CDYL: variants seen among roughly 807,000 people sequenced by gnomAD.
CDYL encodes the protein chromodomain Y-like protein.
CDYL carries 8 observed loss-of-function variants against 47.3 expected under a neutral mutation model. The observed-to-expected ratio is 0.17, with a 90% confidence interval of 0.10 to 0.31. The LOEUF (loss-of-function observed/expected upper bound fraction) is 0.31. Among genes scored for constraint, CDYL ranks in the 10% least tolerant of loss-of-function variants. The pLI, the probability that CDYL is intolerant of heterozygous loss-of-function variation, is 1.00. For synonymous variants in CDYL, 266 were observed against 265.0 expected (o/e 1.00, Z -0.04); for missense variants, 471 against 701.4 (o/e 0.67, Z 3.71).
intron 1 of CDYL, among the ~76,000 whole-genome samples, chr6:4,837,774 T>C (rs1760366500): frequency 6.6e-6 from 1 of 150,628 alleles, no homozygotes; most frequent in Non-Finnish European, 1.5e-5. Context: ...CTCTTATTTT[T>C]TCTTTTCCCG....
chr6:4,890,563 T>A (rs1762014089), intron 1 of CDYL, among the ~76,000 whole-genome samples: 1 of 151,856 alleles, frequency 6.6e-6, no homozygotes, highest in South Asian at 2.1e-4. Flanking sequence ...TACTGGAGAG[T>A]TTTTTATTTC....
chr6:4,821,727 CTG>C (rs1439356781), intron 1 of CDYL, among the ~76,000 whole-genome samples: 7 of 150,374 alleles, frequency 4.7e-5, no homozygotes, highest in Non-Finnish European at 7.4e-5. Context: ...TAGAGCAAGA[CTG>C]TATCTCGGGG....
rs550970785 is a variant in CDYL at position 4,915,668 on chromosome 6, A to G, written c.692-19847A>G. Among the ~76,000 whole-genome samples, 407 of 152,328 alleles carry G rather than the reference A, an allele frequency of 2.7e-3. 4 individuals are homozygous for G. The highest frequency in any genetic ancestry group is 8.7e-3 in the African/African-American group (360 of 41,582). Reference sequence around the variant, plus strand: ...ACATGACAGATAATAGGTGCCCTGAAGGAAGCCAAAGTATTTTATCCCAAA... The same window carrying G: ...ACATGACAGATAATAGGTGCCCTGAGGGAAGCCAAAGTATTTTATCCCAAA... On this transcript the variant is annotated intron_variant, in intron 2 of 6. Coordinates refer to ENST00000397588, the MANE Select transcript of CDYL (RefSeq NM_004824.4).
chr6:4,730,326 G>A (rs888520749), intron 2 of CDYL, among the ~76,000 whole-genome samples: 3 of 152,168 alleles, frequency 2.0e-5, no homozygotes, highest in East Asian at 3.9e-4. Context: ...CCATTTTAAA[G>A]TCTTGTTCAT....
intron 1 of CDYL, among the ~76,000 whole-genome samples, chr6:4,780,476 C>G (rs1758589055): frequency 7.4e-6 from 1 of 135,860 alleles, no homozygotes; most frequent in African/African-American, 2.7e-5. Context: ...ACCTTGTGGG[C>G]CAGGCTGGTC....
In CDYL at chr6:4,875,820, G is replaced by A. The variant is rs185520017; in HGVS notation, c.25-15893G>A. ...TTTATAACCCACTACAAAGAATGTC[G>A]TTTTACTATGCATCCATCCATCAGT... is the stretch of plus-strand genomic sequence containing the variant. On this transcript the variant is annotated intron_variant, in intron 1 of 6. Transcript: ENST00000397588. Among the ~76,000 whole-genome samples the A allele has an allele frequency of 2.6e-4, 40 of 152,132 alleles. No homozygotes were observed. The East Asian group carries it at 2.9e-3, about 11-fold the overall frequency.
chr6:4,824,842 A>G (rs149894639), intron 1 of CDYL, among the ~76,000 whole-genome samples: 30 of 152,082 alleles, frequency 2.0e-4, no homozygotes, highest in East Asian at 7.7e-4. Flanking sequence ...TTTGAGTACA[A>G]GCTTTTCCGT....
Position 4,861,121 on chromosome 6 carries a change from A to T in CDYL, c.25-30592A>T, listed in dbSNP as rs80065611. Among the ~76,000 whole-genome samples the T allele has an allele frequency of 3.7e-4, 56 of 152,394 alleles. No individual in the cohort carries two copies. In the East Asian group the frequency reaches 8.5e-3, roughly 23 times the overall value. On this transcript the variant is annotated intron_variant, in intron 1 of 6. Transcript: ENST00000397588. ...TTTGATGCAGAGGATCTAAAAATAT[A>T]GAAGAGTTAAAACATAAATATCAAT...
chr6:4,899,777 G>A (rs575792336), intron 2 of CDYL, among the ~76,000 whole-genome samples: 29 of 152,224 alleles, frequency 1.9e-4, no homozygotes, highest in Middle Eastern at 3.4e-3. Flanking sequence ...TCTGATTCCC[G>A]TCAGAAGTTT....
chr6:4,879,076 CT>C (rs1459706620), intron 1 of CDYL, among the ~76,000 whole-genome samples: 2 of 152,216 alleles, frequency 1.3e-5, no homozygotes, highest in African/African-American at 4.8e-5. Context: ...TCCATTCACT[CT>C]TTTAAAATTT....
At chr6:4,876,151 T>C (rs999236756) in intron 1 of CDYL, among the ~76,000 whole-genome samples, 1 of 152,252 alleles carries the variant, frequency 6.6e-6, no homozygotes, top group Non-Finnish European at 1.5e-5. Flanking sequence ...TGTTGTTGTT[T>C]ATACAGTAGT....
chr6:4,928,008 T>C (rs1473460934), intron 2 of CDYL, among the ~76,000 whole-genome samples: 3 of 152,234 alleles, frequency 2.0e-5, no homozygotes, highest in Non-Finnish European at 4.4e-5. Context: ...TTCTAGCTCA[T>C]CATTTTCCTC....
chr6:4,743,698 T>C (rs552393295), intron 3 of CDYL, among the ~76,000 whole-genome samples: 4 of 152,218 alleles, frequency 2.6e-5, no homozygotes, highest in Non-Finnish European at 4.4e-5. Context: ...TTTTATTATA[T>C]ATATCATCCA....
chr6:4,833,101 T>C (rs1421992857), intron 1 of CDYL, among the ~76,000 whole-genome samples: 1 of 144,552 alleles, frequency 6.9e-6, no homozygotes, highest in African/African-American at 2.7e-5. Context: ...TAGTTATTTC[T>C]TGCCTTCTGC....
At chr6:4,721,527 G>A (rs1757369329) in intron 2 of CDYL, among the ~76,000 whole-genome samples, 1 of 152,122 alleles carries the variant, frequency 6.6e-6, no homozygotes, top group Admixed American at 6.5e-5. Flanking sequence ...GGGATTACAG[G>A]TGTGTGCCAC....
intron 1 of CDYL, among the ~76,000 whole-genome samples, chr6:4,791,958 C>T (rs971077050): frequency 1.3e-5 from 2 of 150,490 alleles, no homozygotes; most frequent in East Asian, 3.9e-4. Flanking sequence ...TCTCAGCTCA[C>T]TGCAAGCTCC....
intron 1 of CDYL, among the ~76,000 whole-genome samples, chr6:4,888,729 CT>C (rs1554104887): frequency 1.3e-5 from 2 of 152,024 alleles, no homozygotes; most frequent in African/African-American, 4.8e-5. Flanking sequence ...GGTCTTTCTT[CT>C]TTTTAGTGTA....
rs1759396662 is a variant in CDYL, at chr6:4,807,260, T to C, written c.24+30453T>C. Reference sequence around the variant, plus strand: ...CCCATACATTTCAGTGGGTCGCTTATAGATGGGGTATATGATGTTGTCTAA... The same window carrying C: ...CCCATACATTTCAGTGGGTCGCTTACAGATGGGGTATATGATGTTGTCTAA... On this transcript the variant is annotated intron_variant, in intron 1 of 6. Coordinates refer to ENST00000397588, the MANE Select transcript of CDYL (RefSeq NM_004824.4). 2.0e-5 allele frequency among the ~76,000 whole-genome samples: 3 copies of C among 152,226 alleles called. No homozygotes were observed. In the South Asian group the frequency reaches 6.2e-4, roughly 32 times the overall value.
At chr6:4,866,422 G>A (rs1011276546) in intron 1 of CDYL, among the ~76,000 whole-genome samples, 3 of 151,960 alleles carry the variant, frequency 2.0e-5, no homozygotes, top group Non-Finnish European at 4.4e-5. Flanking sequence ...TGAAAAGAAG[G>A]TCACATCTAC....
Sources: gnomAD v4.1 joint callset for allele counts (sites outside exome capture counted in the v4.1 genomes callset) on GRCh38, gnomAD v4.1.1 for gene constraint, MANE v1.5 for transcripts, NCBI Gene and HGNC (gene_info 2026-07-23, HGNC 2026-07-21) for gene names.